The following LRFN5 variants were observed in gnomAD, a reference collection of about 807,000 sequenced individuals.
The protein encoded by LRFN5 is leucine-rich repeat and fibronectin type-III domain-containing protein 5.
LRFN5 carries 24 observed loss-of-function variants against 45.6 expected under a neutral mutation model. The ratio of observed to expected loss-of-function variants is 0.53; its 90% CI spans 0.38 to 0.74. The LOEUF (loss-of-function observed/expected upper bound fraction) is 0.74. LRFN5 is among the 30% of genes least tolerant of loss of function. The probability of loss-of-function intolerance (pLI) is 0.00; values close to 1 mark genes in which losing one functional copy is unlikely to be tolerated. For missense variants in LRFN5, 776 were observed against 861.5 expected, an observed-to-expected ratio of 0.90 and a Z score of 1.24; for synonymous variants, 340 against 313.8, an observed-to-expected ratio of 1.08 and a Z score of -0.88.
At chr14:41,888,871 T>C (rs1890672075) in intron 3 of LRFN5, among the ~76,000 whole-genome samples, 1 of 151,868 alleles carries the variant, frequency 6.6e-6, no homozygotes, top group South Asian at 2.1e-4. Context: ...AAAAGACATA[T>C]TTTTACCCTT....
rs35445324 is a variant in LRFN5 at position 41,844,436 on chromosome 14, C to CAAA, written c.-20-42158_-20-42156dup. Among the ~76,000 whole-genome samples the CAAA allele has an allele frequency of 2.7e-3, 369 of 138,524 alleles. 3 individuals are homozygous for CAAA. Among genetic ancestry groups the CAAA allele is most frequent in the South Asian group, 4.4e-3 (19 of 4,280 alleles). The allele number at this position is 138,524 out of a possible 152,430, so 90.9% of individuals were successfully genotyped here. ...TGGGTGACAGAGCAAGACTCCGTCTCAAAAAAAAAAAAAATATGTATATTT... is the reference window on the plus strand; with the variant it reads ...TGGGTGACAGAGCAAGACTCCGTCTCAAAAAAAAAAAAAAAAATATGTATATTT... On this transcript the variant is annotated intron_variant, in intron 2 of 5. Coordinates refer to ENST00000298119, the MANE Select transcript of LRFN5 (RefSeq NM_152447.5).
At chr14:41,772,908 C>A (rs1423226055) in intron 2 of LRFN5, among the ~76,000 whole-genome samples, 2 of 152,138 alleles carry the variant, frequency 1.3e-5, no homozygotes, top group African/African-American at 4.8e-5. Context: ...TTTTTACTAT[C>A]ATTATCCTAA....
chr14:41,856,769 C>G (rs1337334831), intron 2 of LRFN5, among the ~76,000 whole-genome samples: 1 of 139,122 alleles, frequency 7.2e-6, no homozygotes, highest in Non-Finnish European at 1.5e-5. Context: ...CTCCGCCTTC[C>G]GGGTTCACGC....
At chr14:41,891,198 G>A in intron 3 of LRFN5, 52 bp from the exon 4 acceptor site, 1 of 1,376,372 alleles carries the variant, frequency 7.3e-7, no homozygotes, top group Non-Finnish European at 1.0e-6. Context: ...GACTTTCTGT[G>A]TATGTGTTTT....
At chr14:41,845,358 T>C (rs751202612) in intron 2 of LRFN5, among the ~76,000 whole-genome samples, 12 of 152,142 alleles carry the variant, frequency 7.9e-5, no homozygotes, top group Non-Finnish European at 1.8e-4. Flanking sequence ...TTTATTGTGT[T>C]ATTCATATAT....
chr14:41,821,165 G>C (rs999361999), intron 2 of LRFN5, among the ~76,000 whole-genome samples: 4 of 151,908 alleles, frequency 2.6e-5, no homozygotes, highest in African/African-American at 9.7e-5. Flanking sequence ...AAGTATGAAA[G>C]TGGGCATCTT....
At chr14:41,721,382 A>T (rs910286949) in intron 1 of LRFN5, among the ~76,000 whole-genome samples, 1 of 152,116 alleles carries the variant, frequency 6.6e-6, no homozygotes, top group Non-Finnish European at 1.5e-5. Context: ...CAAGGTTAAT[A>T]TTGATATGTG....
At chr14:41,737,942 C>G (rs181564837) in intron 1 of LRFN5, among the ~76,000 whole-genome samples, 1 of 152,158 alleles carries the variant, frequency 6.6e-6, no homozygotes, top group East Asian at 1.9e-4. Context: ...TTTATAGATT[C>G]AATGCTATTC....
chr14:41,838,019 A>T (rs1314260320), intron 2 of LRFN5, among the ~76,000 whole-genome samples: 2 of 152,186 alleles, frequency 1.3e-5, no homozygotes, highest in Non-Finnish European at 2.9e-5. Flanking sequence ...TCTAAAAAGG[A>T]TGTAGACCTG....
intron 1 of LRFN5, among the ~76,000 whole-genome samples, chr14:41,633,615 AT>A (rs1329390725): frequency 6.6e-6 from 1 of 152,158 alleles, no homozygotes; most frequent in Non-Finnish European, 1.5e-5. Context: ...ATCAGGTCCA[AT>A]TCCATAAAAG....
chr14:41,726,461 C>T (rs1369838243), intron 1 of LRFN5, among the ~76,000 whole-genome samples: 1 of 152,076 alleles, frequency 6.6e-6, no homozygotes. Flanking sequence ...CCAGGATATT[C>T]TACAAATAAT....
At chr14:41,800,051 A>C (rs1211403745) in intron 2 of LRFN5, among the ~76,000 whole-genome samples, 1 of 152,036 alleles carries the variant, frequency 6.6e-6, no homozygotes, top group Non-Finnish European at 1.5e-5. Flanking sequence ...ACTTAATATG[A>C]ATAACTCACG....
intron 1 of LRFN5, among the ~76,000 whole-genome samples, chr14:41,623,463 G>T (rs1888210184): frequency 6.6e-6 from 1 of 151,896 alleles, no homozygotes; most frequent in Non-Finnish European, 1.5e-5. Flanking sequence ...TAAAAATGTG[G>T]GGATTTAAAA....
chr14:41,683,811 TAGAG>T (rs1437938467), intron 1 of LRFN5, among the ~76,000 whole-genome samples: 2 of 152,106 alleles, frequency 1.3e-5, no homozygotes, highest in Non-Finnish European at 2.9e-5. Context: ...TATACAAAAA[TAGAG>T]AGATATTCTC....
At chr14:41,904,116 C>CCTTT in intron 5 of LRFN5, 42 bp from the exon 6 acceptor site, 1 of 1,489,482 alleles carries the variant, frequency 6.7e-7, no homozygotes, top group African/African-American at 1.4e-5. Context: ...TTTCTTTCTT[C>CCTTT]CTTTCTTTCT....
At chr14:41,809,250 G>A (rs1244352740) in intron 2 of LRFN5, among the ~76,000 whole-genome samples, 1 of 151,870 alleles carries the variant, frequency 6.6e-6, no homozygotes, top group Non-Finnish European at 1.5e-5. Flanking sequence ...AATATAAAAT[G>A]GAATAAAAAT....
At chr14:41,726,866 A>T (rs1236262043) in intron 1 of LRFN5, among the ~76,000 whole-genome samples, 1 of 152,234 alleles carries the variant, frequency 6.6e-6, no homozygotes, top group Non-Finnish European at 1.5e-5. Context: ...GCAATATAGG[A>T]CTATAGTAAG....
chr14:41,633,477 A>G (rs545871177), intron 1 of LRFN5, among the ~76,000 whole-genome samples: 1 of 152,146 alleles, frequency 6.6e-6, no homozygotes, highest in Non-Finnish European at 1.5e-5. Context: ...AAAATTATGA[A>G]TAATCAGTTC....
At chr14:41,666,332 A>C (rs1280045913) in intron 1 of LRFN5, among the ~76,000 whole-genome samples, 1 of 152,080 alleles carries the variant, frequency 6.6e-6, no homozygotes, top group Admixed American at 6.6e-5. Flanking sequence ...TTCTAGCCTT[A>C]GTGAAAATTA....
Sources: allele counts gnomAD v4.1 joint callset (sites outside exome capture counted in the v4.1 genomes callset), GRCh38; gene constraint gnomAD v4.1.1; transcripts MANE v1.5; gene names NCBI Gene and HGNC (gene_info 2026-07-23, HGNC 2026-07-21).